The following FAM153A variants were observed in gnomAD, a reference collection of about 807,000 sequenced individuals.
The protein encoded by FAM153A is family with sequence similarity 153 member A.
In FAM153A, 12 loss-of-function variants were observed where a neutral mutation model predicts 48.1. The observed-to-expected ratio is 0.25, with a 90% confidence interval of 0.16 to 0.40. The LOEUF is 0.40. Among genes scored for constraint, FAM153A ranks in the 10% least tolerant of loss-of-function variants. The probability of loss-of-function intolerance (pLI) is 1.00; values close to 1 mark genes in which losing one functional copy is unlikely to be tolerated. For missense variants in FAM153A, 111 were observed against 345.8 expected (o/e 0.32, Z 5.38); for synonymous variants, 36 against 118.2 (o/e 0.30, Z 4.51).
chr5:177,715,847 T>A (rs777913908), intron 25 of FAM153A, among the ~76,000 whole-genome samples: 1 of 151,186 alleles, frequency 6.6e-6, no homozygotes, highest in African/African-American at 2.4e-5. Context: ...AATTTTTAAA[T>A]TTTTTTTTGT....
intron 10 of FAM153A, among the ~76,000 whole-genome samples, chr5:177,737,819 C>T (rs574164905): frequency 1.3e-5 from 2 of 151,882 alleles, no homozygotes; most frequent in East Asian, 3.9e-4. Context: ...CACGCCTGAC[C>T]AGAATATTCT....
At chr5:177,705,947 C>T (rs1184683172), downstream of FAM153A, among the ~76,000 whole-genome samples, 24 of 150,640 alleles carry the variant, frequency 1.6e-4, no homozygotes, top group South Asian at 2.1e-4. Flanking sequence ...CGTGAGCCAC[C>T]GCGCCCAGCC....
chr5:177,755,983 C>A (rs1399768789), upstream of FAM153A, among the ~76,000 whole-genome samples: 1 of 150,564 alleles, frequency 6.6e-6, no homozygotes, highest in African/African-American at 2.5e-5. Flanking sequence ...TCACACATAA[C>A]AATATTAACC....
intron 1 of FAM153A, among the ~76,000 whole-genome samples, chr5:177,770,710 T>C (rs1266550973): frequency 1.0e-5 from 1 of 96,326 alleles, no homozygotes; most frequent in African/African-American, 4.1e-5. Flanking sequence ...GAATGTACAG[T>C]ATTAAGAATG....
chr5:177,761,309 C>A (rs1768291644), intron 1 of FAM153A, among the ~76,000 whole-genome samples: 1 of 151,580 alleles, frequency 6.6e-6, no homozygotes, highest in Non-Finnish European at 1.5e-5. Flanking sequence ...AGGTTACAAT[C>A]AATTTTTTTT....
At chr5:177,761,298 G>A (rs754642856) in intron 1 of FAM153A, among the ~76,000 whole-genome samples, 71 of 151,806 alleles carry the variant, frequency 4.7e-4, no homozygotes, top group African/African-American at 1.4e-3. Context: ...AACTGCCAAC[G>A]AGGTTACAAT....
the FAM153A span, among the ~76,000 whole-genome samples, chr5:177,702,143 C>T: frequency 2.6e-5 from 4 of 151,882 alleles, no homozygotes; most frequent in South Asian, 2.1e-4. Flanking sequence ...CTCCTGACCT[C>T]GTGATCCACC....
Position 177,734,042 on chromosome 5 carries a change from G to A in FAM153A, c.760+338C>T. 1.7e-5 allele frequency among the ~76,000 whole-genome samples: 2 copies of A among 115,818 alleles called. 1 individual carries two copies. The highest frequency in any genetic ancestry group is 3.8e-5 in the Non-Finnish European group (2 of 52,286). 76.0% of individuals were successfully genotyped at this position (115,818 alleles called of 152,430 possible). On this transcript the variant is annotated intron_variant, in intron 14 of 20. Transcript: ENST00000614127. ...GGTGATGGAAATCTCTGTTGAGAAT[G>A]TGGACACTAGAAAATCCGGGGATAT...
At chr5:177,700,863 T>A in the FAM153A span, among the ~76,000 whole-genome samples, 1 of 151,930 alleles carries the variant, frequency 6.6e-6, no homozygotes, top group African/African-American at 2.4e-5. Flanking sequence ...TGTATTTCTA[T>A]ACCCTAGTAA....
downstream of FAM153A, among the ~76,000 whole-genome samples, chr5:177,709,780 C>T (rs1758244812): frequency 8.1e-6 from 1 of 123,810 alleles, no homozygotes; most frequent in Non-Finnish European, 1.7e-5. Context: ...AAGCGATTCT[C>T]CTGCCTCAGC....
intron 1 of FAM153A, among the ~76,000 whole-genome samples, chr5:177,752,516 G>T (rs376599152): frequency 0.038 from 5,309 of 140,798 alleles, 32 homozygotes; most frequent in African/African-American, 0.11. Context: ...AGCTACTTGG[G>T]AGGCTGAGGC....
chr5:177,710,623 C>G (rs1011729337), downstream of FAM153A, among the ~76,000 whole-genome samples: 1 of 145,798 alleles, frequency 6.9e-6, no homozygotes, highest in African/African-American at 2.6e-5. Flanking sequence ...TAAACTTGCT[C>G]CTGTATGGCT....
At chr5:177,702,115 A>C in the FAM153A span, among the ~76,000 whole-genome samples, 115 of 151,876 alleles carry the variant, frequency 7.6e-4, 3 homozygotes, top group African/African-American at 2.7e-3. Flanking sequence ...TCACCGTGTT[A>C]GCCAGGATGG....
the FAM153A span, among the ~76,000 whole-genome samples, chr5:177,696,481 C>G: frequency 5.0e-3 from 760 of 151,934 alleles, 31 homozygotes; most frequent in East Asian, 0.12. Context: ...TGTGAAGTAC[C>G]TAAATTTATC....
At chr5:177,754,286 G>C (rs1208420265), upstream of FAM153A, among the ~76,000 whole-genome samples, 14 of 151,938 alleles carry the variant, frequency 9.2e-5, no homozygotes, top group African/African-American at 3.4e-4. Context: ...GCGAGGCTGG[G>C]GTAGGGGCGC....
rs1442835598 is a variant in FAM153A, at chr5:177,766,584, A to C, written c.-57+13865T>G. ...AGCCTAAAGGGAAAACCAAACTGGG[A>C]AGTCAAATAATTTCTGAGACTTGTC... On this transcript the variant is annotated intron_variant, in intron 1 of 8. Transcript: ENST00000393518. Among the ~76,000 whole-genome samples the C allele has an allele frequency of 8.5e-5, 8 of 93,626 alleles. 2 individuals carry two copies. The highest frequency in any genetic ancestry group is 1.5e-4 in the Non-Finnish European group (7 of 45,794). The allele number at this position is 93,626 out of a possible 152,430, so 61.4% of individuals were successfully genotyped here.
intron 25 of FAM153A, among the ~76,000 whole-genome samples, chr5:177,714,632 TC>T (rs1759251527): frequency 1.6e-5 from 1 of 64,494 alleles, no homozygotes; most frequent in East Asian, 3.8e-4. Flanking sequence ...TGGGCACACT[TC>T]CTCAAACATG....
downstream of FAM153A, among the ~76,000 whole-genome samples, chr5:177,706,254 T>A (rs1757879695): frequency 6.6e-6 from 1 of 151,786 alleles, no homozygotes; most frequent in South Asian, 2.1e-4. Context: ...TAGAGTGCAG[T>A]GGCGCAGTCT....
intron 1 of FAM153A, among the ~76,000 whole-genome samples, chr5:177,769,020 A>G (rs1768937738): frequency 1.1e-5 from 1 of 88,860 alleles, no homozygotes; most frequent in Non-Finnish European, 2.3e-5. Context: ...TCAGGAGATC[A>G]AGACCATCCT....
Sources: allele counts gnomAD v4.1 joint callset (sites outside exome capture counted in the v4.1 genomes callset), GRCh38; gene constraint gnomAD v4.1.1; transcripts MANE v1.5; gene names NCBI Gene and HGNC (gene_info 2026-07-23, HGNC 2026-07-21).